NKTR: variants seen among roughly 807,000 people sequenced by gnomAD.
The protein encoded by NKTR is NK-tumor recognition protein.
A neutral mutation model predicts 156.3 loss-of-function variants in NKTR; 67 were observed. That is an observed-to-expected ratio of 0.43 (90% CI 0.35 to 0.53). The LOEUF (loss-of-function observed/expected upper bound fraction) is 0.53. Ranked by LOEUF, NKTR falls within the 20% of genes least tolerant of loss-of-function variation. The pLI is 0.01. For missense variants in NKTR, 1,604 were observed against 1,730.9 expected, an observed-to-expected ratio of 0.93 and a Z score of 1.30; for synonymous variants, 640 against 596.6, an observed-to-expected ratio of 1.07 and a Z score of -1.06.
rs111509362 is a variant in NKTR at position 42,630,408 on chromosome 3, T to C, written c.375-138T>C. ...GTTTTGGGGTTTTTAAGGTTAGATA[T>C]ATATCATGTTTAACTTTTTCCCCTA... On this transcript the variant is annotated intron_variant, in intron 6 of 16. Coordinates refer to ENST00000232978, the MANE Select transcript of NKTR (RefSeq NM_005385.4). 162 of 1,498,570 alleles carry C rather than the reference T, an allele frequency of 1.1e-4. 1 individual carries two copies. The highest frequency in any genetic ancestry group is 5.2e-4 in the Middle Eastern group (3 of 5,764). The allele number at this position is 1,498,570 out of a possible 1,614,324, so 92.8% of individuals were successfully genotyped here.
chr3:42,625,106 G>A (rs1023191572), intron 6 of NKTR, among the ~76,000 whole-genome samples: 1 of 152,190 alleles, frequency 6.6e-6, no homozygotes, highest in African/African-American at 2.4e-5. Context: ...AATGATTTAT[G>A]TGCAAACATT....
intron 2 of NKTR, among the ~76,000 whole-genome samples, chr3:42,603,732 C>CTTT (rs11315714): frequency 1.7e-4 from 20 of 116,660 alleles, no homozygotes; most frequent in East Asian, 7.5e-4. Flanking sequence ...TTTTACACAA[C>CTTT]TTTTTTTTTT....
At chr3:42,619,838 CTTTA>C in intron 5 of NKTR, 130 bp downstream of exon 5, 1 of 1,476,230 alleles carries the variant, frequency 6.8e-7, no homozygotes, top group East Asian at 2.4e-5. Flanking sequence ...CATGAAAATA[CTTTA>C]TTTGCATGAA....
rs1484195305 is a variant in NKTR at position 42,638,527 on chromosome 3, G to A, written c.2823G>A (p.Leu941=). Residue 941 remains leucine, a synonymous_variant, in exon 13 of 17, where the codon CTG becomes CTA. Transcript: ENST00000232978. ...PTTKSSTNTS[L]PDDNGAWKSS... is the part of the protein sequence containing the mutation. ...CCAAGTCGTCCACAAATACTTCACTGCCTGATGATAATGGTGCTTGGAAAT... is the reference window on the plus strand; with the variant it reads ...CCAAGTCGTCCACAAATACTTCACTACCTGATGATAATGGTGCTTGGAAAT... 1.2e-6 allele frequency: 2 copies of A among 1,613,280 alleles called. No individual in the cohort carries two copies. The highest frequency in any genetic ancestry group is 3.3e-5 in the Admixed American group (2 of 59,822).
intron 6 of NKTR, among the ~76,000 whole-genome samples, chr3:42,623,288 C>CT (rs759275858): frequency 8.6e-5 from 13 of 151,924 alleles, no homozygotes; most frequent in Admixed American, 4.6e-4. Flanking sequence ...AGTTAATTTA[C>CT]TTTAGATGGC....
Position 42,633,538 on chromosome 3 carries a change from CA to C in NKTR, c.774-39del, listed in dbSNP as rs577428038. 7.6e-6 allele frequency: 12 copies of C among 1,571,616 alleles called. No homozygotes were observed. In the African/African-American group the frequency reaches 1.4e-4, roughly 18 times the overall value. ...TTTTATGTGCTTTTATTATGAAATG[CA>C]AACATTATACATTTTAATCAGTGAC... On this transcript the variant is annotated intron_variant, in intron 9 of 16. Coordinates refer to ENST00000232978, the MANE Select transcript of NKTR (RefSeq NM_005385.4).
At position 42,645,914 on chromosome 3, in the gene NKTR, G is replaced by A; in HGVS notation, c.4328G>A (p.Ser1443Asn). ...AGTTGTAGATCTTATGGCTCTGACA[G>A]TGAAAGTGACCGAAGTTACTCTCAT... ...SRSCRSYGSDSESDRSYSHHR... is the reference protein window; with the variant it reads ...SRSCRSYGSDNESDRSYSHHR... The change falls in exon 17 of 17, where the codon AGT becomes AAT. Residue 1443 changes from serine to asparagine, a missense_variant. This residue lies in a region of NKTR where 193 missense variants were observed against 220.2 expected (regional missense o/e 0.88). Transcript: ENST00000232978. The A allele has an allele frequency of 6.2e-7, 1 of 1,613,054 alleles. No individual in the cohort carries two copies. The highest frequency in any genetic ancestry group is 1.1e-5 in the South Asian group (1 of 90,960).
chr3:42,621,660 T>A (rs141453457), intron 6 of NKTR, 144 bp downstream of exon 6: 1 of 857,836 alleles, frequency 1.2e-6, no homozygotes, highest in Non-Finnish European at 1.7e-6. Context: ...TAGTAACTTA[T>A]AAGGTCTAAC....
Position 42,639,682 on chromosome 3 carries a change from A to G in NKTR, c.3978A>G (p.Arg1326=). ...RSRSKSETKS[R]HRTRSVSYSH... is the part of the protein sequence containing the mutation. ...GAAGTAAATCTGAAACCAAATCAAGACACAGAACAAGGTCTGTCTCCTATA... is the reference window on the plus strand; with the variant it reads ...GAAGTAAATCTGAAACCAAATCAAGGCACAGAACAAGGTCTGTCTCCTATA... Residue 1326 remains arginine, a synonymous_variant, in exon 13 of 17, where the codon AGA becomes AGG. Coordinates refer to ENST00000232978, the MANE Select transcript of NKTR (RefSeq NM_005385.4). 6.2e-7 allele frequency: 1 copy of G among 1,614,014 alleles called. No individual in the cohort carries two copies.
chr3:42,631,704 C>A (rs1052630088), intron 8 of NKTR, among the ~76,000 whole-genome samples: 1 of 152,186 alleles, frequency 6.6e-6, no homozygotes, highest in Non-Finnish European at 1.5e-5. Flanking sequence ...ATTCATGTCA[C>A]GCCTGCACAG....
chr3:42,623,242 A>G (rs1027875046), intron 6 of NKTR, among the ~76,000 whole-genome samples: 11 of 152,118 alleles, frequency 7.2e-5, no homozygotes, highest in Admixed American at 3.9e-4. Flanking sequence ...TTTTGAATCA[A>G]TAAATTACAA....
Position 42,633,687 on chromosome 3 carries a change from G to A in NKTR, c.881G>A (p.Arg294Gln), listed in dbSNP as rs1559578682. 4 of 1,614,036 alleles carry A rather than the reference G, an allele frequency of 2.5e-6. No individual in the cohort carries two copies. Among genetic ancestry groups the A allele is most frequent in the Non-Finnish European group, 1.7e-6 (2 of 1,179,936 alleles). ...PEEIPPVPENRFLLRRDMPVV... is the reference protein window; with the variant it reads ...PEEIPPVPENQFLLRRDMPVV... ...GAGATTCCTCCAGTGCCTGAGAACC[G>A]ATTTTTACTGAGAAGAGATATGCCT... The change falls in exon 10 of 17, where the codon CGA (arginine) becomes CAA (glutamine). Residue 294 changes from arginine to glutamine, a missense_variant. Around this residue, in one of 6 missense-constraint regions of NKTR, gnomAD observed 1,255 missense variants for 1,243.7 expected, o/e 1.01. Coordinates refer to ENST00000232978, the MANE Select transcript of NKTR (RefSeq NM_005385.4).
chr3:42,628,497 C>G, intron 6 of NKTR: 1 of 985,356 alleles, frequency 1.0e-6, no homozygotes. Flanking sequence ...GTTTTTACAG[C>G]CTTTCTATCA....
At chr3:42,635,133 T>C in intron 11 of NKTR, 88 bp from the exon 12 acceptor site, 1 of 949,388 alleles carries the variant, frequency 1.1e-6, no homozygotes, top group South Asian at 2.1e-5. Flanking sequence ...TGGGATGATC[T>C]GAGATTGGGT....
intron 9 of NKTR, 156 bp downstream of exon 9, chr3:42,632,979 G>C (rs1201874385): frequency 9.1e-6 from 12 of 1,313,818 alleles, no homozygotes; most frequent in Non-Finnish European, 1.1e-5. Context: ...CTAGGAGTAG[G>C]TAGCATAGGC....
chr3:42,633,252 G>A lies in NKTR; in HGVS notation c.774-328G>A, dbSNP rs1709076732. 7 of 623,662 alleles carry A rather than the reference G, an allele frequency of 1.1e-5. No individual in the cohort carries two copies. The South Asian group carries it at 2.9e-4, about 26-fold the overall frequency. 38.6% of individuals were successfully genotyped at this position (623,662 alleles called of 1,614,324 possible). On this transcript the variant is annotated intron_variant, in intron 9 of 16. Transcript: ENST00000232978. Reference sequence around the variant, plus strand: ...ACAGGGTCTTCCGCTATGTTGACCAGGCTGGTCTCTGACTCCTGTCCTCAA... The same window carrying A: ...ACAGGGTCTTCCGCTATGTTGACCAAGCTGGTCTCTGACTCCTGTCCTCAA...
intron 4 of NKTR, 131 bp from the exon 5 acceptor site, chr3:42,619,533 G>C: frequency 1.3e-6 from 2 of 1,519,228 alleles, no homozygotes; most frequent in South Asian, 1.3e-5. Context: ...TGAGGACTCT[G>C]AGAATTTTGA....
At chr3:42,630,512 T>G in intron 6 of NKTR, 34 bp from the exon 7 acceptor site, 1 of 1,613,572 alleles carries the variant, frequency 6.2e-7, no homozygotes, top group Non-Finnish European at 8.5e-7. Flanking sequence ...ACATCGTGTT[T>G]GACATCATCT....
chr3:42,643,025 T>G (rs895011869), intron 14 of NKTR, among the ~76,000 whole-genome samples: 6 of 152,200 alleles, frequency 3.9e-5, no homozygotes, highest in African/African-American at 1.4e-4. Flanking sequence ...GCATCTGAGG[T>G]ATTTTCTACT....
Sources: allele counts gnomAD v4.1 joint callset (sites outside exome capture counted in the v4.1 genomes callset), GRCh38; gene constraint gnomAD v4.1.1; regional missense constraint gnomAD v4.1.1; transcripts MANE v1.5; gene names NCBI Gene and HGNC (gene_info 2026-07-23, HGNC 2026-07-21).